Variants in NUBPL observed in about 807,000 individuals in gnomAD.
NUBPL encodes NUBP iron-sulfur cluster assembly factor, mitochondrial.
A neutral mutation model predicts 45.7 loss-of-function variants in NUBPL; 31 were observed. That is an observed-to-expected ratio of 0.68 (90% confidence interval 0.51 to 0.92). The LOEUF (loss-of-function observed/expected upper bound fraction) is 0.92, where lower values mean the gene tolerates loss of function less well. Among genes scored for constraint, NUBPL ranks in the 40% least tolerant of loss-of-function variants. NUBPL has a pLI of 0.00. For synonymous variants in NUBPL, 144 were observed against 140.9 expected (o/e 1.02, Z -0.15); for missense variants, 401 against 398.7 (o/e 1.01, Z -0.05).
chr14:31,611,263 G>A (rs1410998089), intron 4 of NUBPL, among the ~76,000 whole-genome samples: 2 of 152,068 alleles, frequency 1.3e-5, no homozygotes, highest in Non-Finnish European at 2.9e-5. Context: ...TGCAGAAATT[G>A]GTAGCATTTT....
intron 6 of NUBPL, among the ~76,000 whole-genome samples, chr14:31,707,484 T>G (rs1178269041): frequency 3.3e-5 from 5 of 152,252 alleles, no homozygotes; most frequent in Non-Finnish European, 7.3e-5. Context: ...TTTGTACTTC[T>G]TTCTTTGACT....
At chr14:31,717,623 T>C (rs965787190) in intron 6 of NUBPL, among the ~76,000 whole-genome samples, 2 of 152,164 alleles carry the variant, frequency 1.3e-5, no homozygotes, top group African/African-American at 4.8e-5. Context: ...TGCTTTTAAT[T>C]TGTGGCTCCT....
At chr14:31,576,466 G>T (rs2033719669) in intron 3 of NUBPL, among the ~76,000 whole-genome samples, 1 of 152,092 alleles carries the variant, frequency 6.6e-6, no homozygotes, top group African/African-American at 2.4e-5. Context: ...TCACTATGTT[G>T]CCCAGGCTGG....
At position 31,641,309 on chromosome 14, in the gene NUBPL, A is replaced by G. The variant is rs114926891; in HGVS notation, c.383-32046A>G. ...TGTACTGATTAATGAACCTCTCTTC[A>G]TCACTCCCTTACCCCCTTTTTTCAT... On this transcript the variant is annotated intron_variant, in intron 4 of 10. Coordinates refer to ENST00000281081, the MANE Select transcript of NUBPL (RefSeq NM_025152.3). 4.0e-3 allele frequency among the ~76,000 whole-genome samples: 608 copies of G among 152,224 alleles called. 2 individuals carry two copies. The highest frequency in any genetic ancestry group is 0.014 in the African/African-American group (576 of 41,542).
At chr14:31,606,238 C>T (rs907079341) in intron 4 of NUBPL, among the ~76,000 whole-genome samples, 4 of 151,386 alleles carry the variant, frequency 2.6e-5, no homozygotes, top group South Asian at 2.1e-4. Context: ...GGACTACAGG[C>T]GTGTGCCACC....
At chr14:31,589,166 T>G (rs2034075411) in intron 3 of NUBPL, among the ~76,000 whole-genome samples, 1 of 152,128 alleles carries the variant, frequency 6.6e-6, no homozygotes, top group South Asian at 2.1e-4. Flanking sequence ...CCATATATAT[T>G]ATTTACCTGG....
chr14:31,618,824 T>C (rs1162799004), intron 4 of NUBPL, among the ~76,000 whole-genome samples: 1 of 152,148 alleles, frequency 6.6e-6, no homozygotes, highest in Non-Finnish European at 1.5e-5. Flanking sequence ...AGAGCTGAGT[T>C]CAAGTCCTGG....
At chr14:31,726,838 C>T (rs1295134606) in intron 6 of NUBPL, among the ~76,000 whole-genome samples, 1 of 149,752 alleles carries the variant, frequency 6.7e-6, no homozygotes, top group Non-Finnish European at 1.5e-5. Flanking sequence ...CAGGGCTTCT[C>T]AACAGTGGCA....
chr14:31,620,174 A>G (rs370287636), intron 4 of NUBPL, among the ~76,000 whole-genome samples: 5 of 151,924 alleles, frequency 3.3e-5, no homozygotes, highest in African/African-American at 9.7e-5. Flanking sequence ...TTAGTTAGCA[A>G]TTCATCTGAC....
chr14:31,603,511 T>C (rs2034503458), intron 4 of NUBPL, among the ~76,000 whole-genome samples: 1 of 152,126 alleles, frequency 6.6e-6, no homozygotes, highest in Non-Finnish European at 1.5e-5. Context: ...TGTATATTTA[T>C]TGGATTATCT....
rs1271190442 is a variant in NUBPL, at chr14:31,575,209, C to CT, written c.291+10162dup. On this transcript the variant is annotated intron_variant, in intron 3 of 10. Transcript: ENST00000281081. ...AGTTCTGTGATCATGTCAGAACAAA[C>CT]TAAGAAATTGTAATTCAAGATTTAG... Among the ~76,000 whole-genome samples, 4 of 152,120 alleles carry CT rather than the reference C, an allele frequency of 2.6e-5. No individual in the cohort carries two copies. The East Asian group carries it at 7.7e-4, about 29-fold the overall frequency.
chr14:31,567,347 C>T lies in NUBPL; in HGVS notation c.291+2299C>T, dbSNP rs146514106. On this transcript the variant is annotated intron_variant, in intron 3 of 10. Transcript: ENST00000281081. ...TGGGATTTGGCCCTGCAGTATCAAG[C>T]TTTGAGTATTTTTCAGCATAGGAAA... Among the ~76,000 whole-genome samples, 319 of 152,210 alleles carry T rather than the reference C, an allele frequency of 2.1e-3. 2 individuals carry two copies. Among genetic ancestry groups the T allele is most frequent in the African/African-American group, 7.1e-3 (296 of 41,512 alleles).
intron 7 of NUBPL, among the ~76,000 whole-genome samples, chr14:31,808,238 A>G (rs1434871697): frequency 6.6e-6 from 1 of 152,108 alleles, no homozygotes; most frequent in African/African-American, 2.4e-5. Context: ...CACGATATTG[A>G]TTCTTCCTAT....
chr14:31,637,212 T>C (rs79992807), intron 4 of NUBPL, among the ~76,000 whole-genome samples: 5,187 of 152,322 alleles, frequency 0.034, 130 homozygotes, highest in Non-Finnish European at 0.051. Context: ...TCCTGCTTTC[T>C]CTTGTGGGCA....
chr14:31,708,216 C>T (rs527673152), intron 6 of NUBPL, among the ~76,000 whole-genome samples: 5 of 152,316 alleles, frequency 3.3e-5, no homozygotes, highest in South Asian at 4.1e-4. Context: ...GGGACTGCTG[C>T]ATTTCTTTAC....
chr14:31,843,260 C>G (rs1034554480), intron 8 of NUBPL, among the ~76,000 whole-genome samples: 53 of 152,314 alleles, frequency 3.5e-4, no homozygotes, highest in African/African-American at 1.3e-3. Context: ...TTGGCCAAAA[C>G]AAGTTATGTG....
intron 4 of NUBPL, among the ~76,000 whole-genome samples, chr14:31,644,343 CT>C (rs1310802055): frequency 6.6e-6 from 1 of 151,904 alleles, no homozygotes; most frequent in Non-Finnish European, 1.5e-5. Context: ...TTTTGGTATG[CT>C]GTATTTTCCA....
chr14:31,660,633 T>A (rs1487637584), intron 4 of NUBPL, among the ~76,000 whole-genome samples: 2 of 152,182 alleles, frequency 1.3e-5, no homozygotes, highest in Non-Finnish European at 2.9e-5. Context: ...AATGAGGTTG[T>A]ATATTCTTGA....
chr14:31,844,301 G>C (rs1479761485), intron 8 of NUBPL: 1 of 152,108 alleles, frequency 6.6e-6, no homozygotes, highest in Non-Finnish European at 1.5e-5. Flanking sequence ...CTTTTTGAGT[G>C]ATAATTTTTT....
Sources: gnomAD v4.1 joint callset for allele counts (sites outside exome capture counted in the v4.1 genomes callset) on GRCh38, gnomAD v4.1.1 for gene constraint, MANE v1.5 for transcripts, NCBI Gene and HGNC (gene_info 2026-07-23, HGNC 2026-07-21) for gene names.